AFG1L: variants seen among roughly 807,000 people sequenced by gnomAD.
AFG1L encodes AFG1 like ATPase.
In AFG1L, 53 loss-of-function variants were observed where a neutral mutation model predicts 62.2. The ratio of observed to expected loss-of-function variants is 0.85; its 90% confidence interval spans 0.68 to 1.07. The LOEUF is 1.07. Ranked by LOEUF, AFG1L falls within the 50% of genes least tolerant of loss-of-function variation. The pLI is 0.00. For synonymous variants in AFG1L, 228 were observed against 210.3 expected (o/e 1.08, Z -0.73); for missense variants, 555 against 590.5 (o/e 0.94, Z 0.62).
chr6:108,420,874 A>C (rs987771320), intron 7 of AFG1L, among the ~76,000 whole-genome samples: 1 of 152,194 alleles, frequency 6.6e-6, no homozygotes, highest in Non-Finnish European at 1.5e-5. Flanking sequence ...TTAAATCACA[A>C]GATATCAATT....
chr6:108,447,873 C>A (rs969050932), intron 8 of AFG1L, among the ~76,000 whole-genome samples: 3 of 152,018 alleles, frequency 2.0e-5, no homozygotes, highest in Non-Finnish European at 2.9e-5. Flanking sequence ...TTTAAAATGT[C>A]CTTTGTGAGA....
In AFG1L at chr6:108,519,825, C is replaced by T; in HGVS notation, c.1317+15C>T. The T allele has an allele frequency of 6.7e-7, 1 of 1,491,722 alleles. No homozygotes were observed. Among genetic ancestry groups the T allele is most frequent in the Non-Finnish European group, 9.2e-7 (1 of 1,084,604 alleles). The allele number at this position is 1,491,722 out of a possible 1,614,324, so 92.4% of individuals were successfully genotyped here. A position where few individuals can be genotyped will look rare whatever the true frequency, so the allele number is the denominator to read the frequency against. The stretch of plus-strand genomic sequence containing the variant: ...GGCTGAGCCAGGTAGGCGATATTAA[C>T]ATAATCTCTTTTTATTATAAAACAG... On this transcript the variant is annotated intron_variant, in intron 12 of 12. Transcript: ENST00000368977.
intron 7 of AFG1L, among the ~76,000 whole-genome samples, chr6:108,436,490 C>T (rs1771316818): frequency 6.6e-6 from 1 of 152,114 alleles, no homozygotes; most frequent in Non-Finnish European, 1.5e-5. Context: ...TGCAACGTAG[C>T]TATTTCTCAG....
chr6:108,502,196 TTTTG>T (rs939111401), intron 10 of AFG1L, among the ~76,000 whole-genome samples: 15 of 151,446 alleles, frequency 9.9e-5, no homozygotes, highest in East Asian at 5.9e-4. Context: ...TGGTTTTGCT[TTTTG>T]TTTGTTTGTT....
rs1333519247 is a variant in AFG1L, at chr6:108,477,238, G to A, written c.1008G>A (p.Leu336=). The A allele has an allele frequency of 6.2e-7, 1 of 1,610,226 alleles. No individual in the cohort carries two copies. The highest frequency in any genetic ancestry group is 2.2e-5 in the East Asian group (1 of 44,752). ...AAGTGCAAGGCAGAGAGCTGCGCCT[G>A]AATAAAGCCTGTGGAACCGTTGCCG... ...ILKVQGRELR[L]NKACGTVADC... is the part of the protein sequence containing the mutation. Residue 336 remains leucine (L), a synonymous_variant, in exon 10 of 13, where the codon CTG becomes CTA. Coordinates refer to ENST00000368977, the MANE Select transcript of AFG1L (RefSeq NM_145315.5).
At position 108,324,007 on chromosome 6, in the gene AFG1L, C is replaced by T; in HGVS notation, c.322C>T (p.Leu108Phe). The T allele has an allele frequency of 5.0e-6, 8 of 1,614,022 alleles. No individual in the cohort carries two copies. The highest frequency in any genetic ancestry group is 6.8e-6 in the Non-Finnish European group (8 of 1,179,902). ...GTGTTTGCAGAAATTACACGAGGAC[C>T]TTAAAGGATACAATATAGAGGCAGA... is the stretch of plus-strand genomic sequence containing the variant. ...IQCLQKLHED[L>F]KGYNIEAEGL... Residue 108 changes from leucine to phenylalanine, a missense_variant, in exon 2 of 13, where the codon CTT becomes TTT. Leu to Phe is a conservative substitution (Grantham distance 22, BLOSUM62 0). Coordinates refer to ENST00000368977, the MANE Select transcript of AFG1L (RefSeq NM_145315.5).
chr6:108,344,447 GAT>G (rs59941614), intron 2 of AFG1L, among the ~76,000 whole-genome samples: 6,243 of 152,116 alleles, frequency 0.041, 217 homozygotes, highest in South Asian at 0.1. Flanking sequence ...AAATTAGCTG[GAT>G]GTAGTGGTGT....
At chr6:108,317,316 T>G (rs1003670619) in intron 1 of AFG1L, among the ~76,000 whole-genome samples, 8 of 152,106 alleles carry the variant, frequency 5.3e-5, no homozygotes. Context: ...AGCTGAGGGT[T>G]TTTATGGACA....
intron 1 of AFG1L, among the ~76,000 whole-genome samples, chr6:108,314,812 A>G (rs774669830): frequency 5.3e-5 from 8 of 151,744 alleles, no homozygotes; most frequent in Non-Finnish European, 8.8e-5. Context: ...CTTACTTACC[A>G]TGGCTTTTAA....
intron 5 of AFG1L, among the ~76,000 whole-genome samples, chr6:108,357,460 T>C (rs1165079004): frequency 1.3e-5 from 2 of 152,188 alleles, no homozygotes; most frequent in Non-Finnish European, 2.9e-5. Flanking sequence ...CTATATGGCT[T>C]GCAAAGCCTA....
At chr6:108,508,160 G>T (rs1774495910) in intron 10 of AFG1L, among the ~76,000 whole-genome samples, 1 of 152,186 alleles carries the variant, frequency 6.6e-6, no homozygotes, top group Non-Finnish European at 1.5e-5. Context: ...GATGTAATTT[G>T]CCAGTGGCAC....
intron 11 of AFG1L, among the ~76,000 whole-genome samples, chr6:108,516,952 G>C (rs1198433539): frequency 6.6e-6 from 1 of 152,150 alleles, no homozygotes; most frequent in East Asian, 1.9e-4. Flanking sequence ...CAAGGGATGT[G>C]AAGGACCTCT....
At chr6:108,303,216 T>A (rs1777076929) in intron 1 of AFG1L, among the ~76,000 whole-genome samples, 1 of 152,162 alleles carries the variant, frequency 6.6e-6, no homozygotes, top group Non-Finnish European at 1.5e-5. Flanking sequence ...CTGGCCTTTT[T>A]ATTTTTTTAA....
At chr6:108,461,295 A>G (rs978468997) in intron 8 of AFG1L, among the ~76,000 whole-genome samples, 4 of 152,210 alleles carry the variant, frequency 2.6e-5, no homozygotes, top group African/African-American at 9.7e-5. Flanking sequence ...TTGGTTCTCA[A>G]AAGTAGATGC....
intron 10 of AFG1L, among the ~76,000 whole-genome samples, chr6:108,487,680 T>C (rs982389918): frequency 4.6e-5 from 7 of 152,090 alleles, no homozygotes; most frequent in African/African-American, 1.4e-4. Flanking sequence ...CAACAAGATA[T>C]GAGATTTAAA....
intron 2 of AFG1L, among the ~76,000 whole-genome samples, chr6:108,331,603 T>C (rs1188392287): frequency 2.0e-5 from 3 of 152,236 alleles, no homozygotes; most frequent in Non-Finnish European, 4.4e-5. Flanking sequence ...ACTTTACTTT[T>C]GTTATTGAAT....
intron 8 of AFG1L, among the ~76,000 whole-genome samples, chr6:108,474,001 A>T (rs547993105): frequency 2.0e-5 from 3 of 152,278 alleles, no homozygotes; most frequent in Admixed American, 2.0e-4. Context: ...CCCCACATGC[A>T]TTAGCTATTT....
At chr6:108,461,248 C>A (rs1291154703) in intron 8 of AFG1L, among the ~76,000 whole-genome samples, 2 of 152,036 alleles carry the variant, frequency 1.3e-5, no homozygotes, top group Non-Finnish European at 2.9e-5. Context: ...CAAAGAACAC[C>A]TGGGAGGGGG....
intron 10 of AFG1L, among the ~76,000 whole-genome samples, chr6:108,505,079 A>ATTTTTTTTTTTTTTTT (rs34326858): frequency 7.0e-6 from 1 of 142,890 alleles, no homozygotes. Flanking sequence ...CTGAGCTTGG[A>ATTTTTTTTTTTTTTTT]TTTTTTTTTT....
Sources: allele counts gnomAD v4.1 joint callset (sites outside exome capture counted in the v4.1 genomes callset), GRCh38; gene constraint gnomAD v4.1.1; transcripts MANE v1.5; gene names NCBI Gene and HGNC (gene_info 2026-07-23, HGNC 2026-07-21).